The following RORA variants were observed in gnomAD, a reference collection of about 807,000 sequenced individuals.
RORA encodes nuclear receptor ROR-alpha.
RORA carries 7 observed loss-of-function variants against 69.5 expected under a neutral mutation model. The observed-to-expected ratio is 0.10, with a 90% confidence interval of 0.06 to 0.19. RORA has a LOEUF of 0.19. Among genes scored for constraint, RORA ranks in the 10% least tolerant of loss-of-function variants. The pLI is 1.00. For synonymous variants in RORA, 261 were observed against 240.8 expected (o/e 1.08, Z -0.78); for missense variants, 457 against 663.0 (o/e 0.69, Z 3.41).
intron 1 of RORA, among the ~76,000 whole-genome samples, chr15:61,148,152 G>A (rs1197415968): frequency 6.6e-6 from 1 of 152,182 alleles, no homozygotes; most frequent in Non-Finnish European, 1.5e-5. Flanking sequence ...CGGCAACATG[G>A]GGCTAAAAGA....
In RORA at chr15:60,929,580, C is replaced by G. The variant is rs74602591; in HGVS notation, c.167-250894G>C. 7.6e-3 allele frequency among the ~76,000 whole-genome samples: 1,152 copies of G among 152,306 alleles called. 22 individuals are homozygous for G. Among genetic ancestry groups the G allele is most frequent in the African/African-American group, 0.027 (1,103 of 41,562 alleles). On this transcript the variant is annotated intron_variant, in intron 1 of 10. Transcript: ENST00000335670. The stretch of plus-strand genomic sequence containing the variant: ...ACAGCCAGGACTTTACTGAGATGCG[C>G]ACTTAGCTGTCAGTCTGGAGGCTCC...
At chr15:60,683,114 C>G (rs533974478) in intron 1 of RORA, among the ~76,000 whole-genome samples, 1 of 152,210 alleles carries the variant, frequency 6.6e-6, no homozygotes, top group East Asian at 1.9e-4. Flanking sequence ...AGGCTCAAGC[C>G]ATCCTCTCAC....
intron 1 of RORA, among the ~76,000 whole-genome samples, chr15:60,963,639 A>AT (rs1176858691): frequency 6.6e-6 from 1 of 152,228 alleles, no homozygotes; most frequent in Non-Finnish European, 1.5e-5. Flanking sequence ...TGCTGAAGGC[A>AT]TCCCCCTCAG....
rs190330215 is a variant in RORA, at chr15:60,963,293, T to C, written c.166+265760A>G. Among the ~76,000 whole-genome samples the C allele has an allele frequency of 7.0e-4, 106 of 152,346 alleles. 1 individual carries two copies. Among genetic ancestry groups the C allele is most frequent in the Middle Eastern group, 6.8e-3 (2 of 294 alleles). On this transcript the variant is annotated intron_variant, in intron 1 of 10. Coordinates refer to ENST00000335670, the MANE Select transcript of RORA (RefSeq NM_134261.3). Reference sequence around the variant, plus strand: ...AGGCATAGAAGTTAGAATGTGCAGATGGTGCAGGGGAGCCCCTGTTGCAGA... The same window carrying C: ...AGGCATAGAAGTTAGAATGTGCAGACGGTGCAGGGGAGCCCCTGTTGCAGA...
At chr15:60,697,185 G>A (rs952302468) in intron 1 of RORA, among the ~76,000 whole-genome samples, 3 of 152,288 alleles carry the variant, frequency 2.0e-5, no homozygotes, top group Non-Finnish European at 1.5e-5. Flanking sequence ...TAAAAGCAAC[G>A]CCAATTGCTA....
intron 1 of RORA, among the ~76,000 whole-genome samples, chr15:60,918,886 G>A (rs1206070684): frequency 6.6e-6 from 1 of 152,118 alleles, no homozygotes; most frequent in Non-Finnish European, 1.5e-5. Context: ...TTGTTAGGCA[G>A]AGAGTAAGGA....
At chr15:61,112,838 G>C (rs144280937) in intron 1 of RORA, among the ~76,000 whole-genome samples, 1,644 of 152,326 alleles carry the variant, frequency 0.011, 13 homozygotes, top group Admixed American at 0.029. Flanking sequence ...GTCAGATGCC[G>C]TTCAGGGACA....
intron 1 of RORA, among the ~76,000 whole-genome samples, chr15:60,994,141 G>A (rs1894461966): frequency 6.6e-6 from 1 of 152,188 alleles, no homozygotes; most frequent in Admixed American, 6.5e-5. Flanking sequence ...AGCTACCTCA[G>A]ATAAACAGAG....
chr15:60,544,852 C>T (rs918083889), intron 2 of RORA: 1 of 152,268 alleles, frequency 6.6e-6, no homozygotes, highest in Non-Finnish European at 1.5e-5. Flanking sequence ...TCAAGCTACA[C>T]TGTTCCCACC....
intron 1 of RORA, among the ~76,000 whole-genome samples, chr15:60,897,422 T>C (rs547491858): frequency 2.6e-5 from 4 of 152,162 alleles, no homozygotes; most frequent in Non-Finnish European, 4.4e-5. Flanking sequence ...CTCAAATCCT[T>C]CTCCTGTAGA....
intron 1 of RORA, among the ~76,000 whole-genome samples, chr15:60,967,233 G>A (rs1893578888): frequency 6.6e-6 from 1 of 152,048 alleles, no homozygotes; most frequent in African/African-American, 2.4e-5. Flanking sequence ...TTATACATCG[G>A]CATATATATT....
In RORA at chr15:60,570,806, G is replaced by T. The variant is rs527327438; in HGVS notation, c.197-38955C>A. 7.9e-5 allele frequency among the ~76,000 whole-genome samples: 12 copies of T among 152,272 alleles called. No individual in the cohort carries two copies. In the South Asian group the frequency reaches 2.3e-3, roughly 29 times the overall value. On this transcript the variant is annotated intron_variant, in intron 2 of 10. Coordinates refer to ENST00000335670, the MANE Select transcript of RORA (RefSeq NM_134261.3). ...CTAGACTGAGAGTCAAGAGACTAAG[G>T]TTCCAAAATTGGCTTTGCTGCTAAG...
intron 1 of RORA, among the ~76,000 whole-genome samples, chr15:60,935,235 A>G (rs1205685965): frequency 6.6e-6 from 1 of 152,176 alleles, no homozygotes; most frequent in Admixed American, 6.5e-5. Flanking sequence ...CAAATAACCC[A>G]TTTGCCTGTA....
intron 1 of RORA, among the ~76,000 whole-genome samples, chr15:60,827,739 T>C (rs2072985423): frequency 6.6e-6 from 1 of 152,210 alleles, no homozygotes; most frequent in South Asian, 2.1e-4. Flanking sequence ...AGAGGCCAGC[T>C]GCATGTATGG....
intron 1 of RORA, among the ~76,000 whole-genome samples, chr15:61,086,055 G>A (rs1015632378): frequency 6.6e-6 from 1 of 152,162 alleles, no homozygotes; most frequent in Non-Finnish European, 1.5e-5. Context: ...GTGTAAAGAG[G>A]TATAAAAAAT....
intron 5 of RORA, among the ~76,000 whole-genome samples, chr15:60,507,412 C>T (rs1490639396): frequency 6.6e-6 from 1 of 152,080 alleles, no homozygotes; most frequent in Non-Finnish European, 1.5e-5. Flanking sequence ...GAGCTGGAAA[C>T]CAGAATCTCC....
intron 2 of RORA, among the ~76,000 whole-genome samples, chr15:60,617,463 G>C (rs2069275589): frequency 6.6e-6 from 1 of 152,168 alleles, no homozygotes; most frequent in East Asian, 1.9e-4. Flanking sequence ...GGCAGAACGT[G>C]ACAGTGAGAA....
At chr15:60,812,405 G>A (rs914487126) in intron 1 of RORA, among the ~76,000 whole-genome samples, 1 of 152,138 alleles carries the variant, frequency 6.6e-6, no homozygotes, top group African/African-American at 2.4e-5. Flanking sequence ...AGCTACTGAG[G>A]AGGCTGAGGT....
At chr15:61,169,631 T>C (rs1031507410) in intron 1 of RORA, among the ~76,000 whole-genome samples, 1 of 151,350 alleles carries the variant, frequency 6.6e-6, no homozygotes, top group Non-Finnish European at 1.5e-5. Context: ...GGTTTCGTTT[T>C]TCCATTTTCA....
Sources: allele counts gnomAD v4.1 joint callset (sites outside exome capture counted in the v4.1 genomes callset), GRCh38; gene constraint gnomAD v4.1.1; transcripts MANE v1.5; gene names NCBI Gene and HGNC (gene_info 2026-07-23, HGNC 2026-07-21).